Variants in MGAT4A observed in about 807,000 individuals in gnomAD.
MGAT4A encodes the protein alpha-1,3-mannosyl-glycoprotein 4-beta-N-acetylglucosaminyltransferase A, also known as N-acetylglucosaminyltransferase IVa.
MGAT4A carries 33 observed loss-of-function variants against 74.1 expected under a neutral mutation model. The ratio of observed to expected loss-of-function variants is 0.45; its 90% CI spans 0.34 to 0.60. The LOEUF (loss-of-function observed/expected upper bound fraction) is 0.60. Ranked by LOEUF, MGAT4A falls within the 20% of genes least tolerant of loss-of-function variation. The probability of loss-of-function intolerance (pLI) is 0.02; values close to 1 mark genes in which losing one functional copy is unlikely to be tolerated. For synonymous variants in MGAT4A, 198 were observed against 210.4 expected (o/e 0.94, Z 0.51); for missense variants, 479 against 628.3 (o/e 0.76, Z 2.54).
intron 2 of MGAT4A, among the ~76,000 whole-genome samples, chr2:98,713,354 T>C (rs991858117): frequency 6.6e-6 from 1 of 151,898 alleles, no homozygotes; most frequent in Admixed American, 6.6e-5. Flanking sequence ...CAGACTTTCA[T>C]GTTTACAACA....
At chr2:98,711,515 A>C (rs2104325620) in intron 2 of MGAT4A, among the ~76,000 whole-genome samples, 1 of 152,230 alleles carries the variant, frequency 6.6e-6, no homozygotes, top group African/African-American at 2.4e-5. Flanking sequence ...TTAATGAAAA[A>C]GCCCATAGTA....
At chr2:98,679,221 A>G (rs945078363) in intron 2 of MGAT4A, among the ~76,000 whole-genome samples, 2 of 152,078 alleles carry the variant, frequency 1.3e-5, no homozygotes, top group Non-Finnish European at 2.9e-5. Context: ...CCTGGCTAAC[A>G]CGGTGAAACC....
chr2:98,684,763 C>G (rs1702106218), intron 2 of MGAT4A, among the ~76,000 whole-genome samples: 1 of 152,110 alleles, frequency 6.6e-6, no homozygotes. Flanking sequence ...ATTTTTTAAA[C>G]AATAGTAACT....
chr2:98,675,935 A>G (rs939787117), intron 3 of MGAT4A, among the ~76,000 whole-genome samples: 1 of 152,228 alleles, frequency 6.6e-6, no homozygotes, highest in Non-Finnish European at 1.5e-5. Flanking sequence ...GTAAAATAAT[A>G]TAAACAGCAC....
At chr2:98,629,031 T>C (rs1453802084) in intron 14 of MGAT4A, among the ~76,000 whole-genome samples, 2 of 152,234 alleles carry the variant, frequency 1.3e-5, no homozygotes, top group East Asian at 3.8e-4. Context: ...TTTATATAAT[T>C]TTCACATAGC....
At chr2:98,717,450 C>T (rs1440359173) in intron 2 of MGAT4A, among the ~76,000 whole-genome samples, 6 of 151,594 alleles carry the variant, frequency 4.0e-5, no homozygotes, top group Admixed American at 3.9e-4. Flanking sequence ...ACTAAACGCA[C>T]CATGGGATCC....
At chr2:98,727,164 C>T (rs1046320960) in intron 1 of MGAT4A, among the ~76,000 whole-genome samples, 3 of 152,174 alleles carry the variant, frequency 2.0e-5, no homozygotes, top group African/African-American at 7.2e-5. Flanking sequence ...CTGTTTATCA[C>T]TGTCATAAAA....
chr2:98,712,665 G>A (rs776827604), intron 2 of MGAT4A, among the ~76,000 whole-genome samples: 5 of 152,242 alleles, frequency 3.3e-5, no homozygotes, highest in East Asian at 1.9e-4. Flanking sequence ...AACTGAAGAC[G>A]GATTCACACG....
intron 2 of MGAT4A, among the ~76,000 whole-genome samples, chr2:98,704,376 A>G (rs146411173): frequency 3.5e-4 from 54 of 152,314 alleles, no homozygotes; most frequent in African/African-American, 9.4e-4. Context: ...GCAAAACCCT[A>G]TATCTACAAA....
At chr2:98,659,869 G>A (rs12613547) in intron 5 of MGAT4A, among the ~76,000 whole-genome samples, 65,726 of 151,646 alleles carry the variant, frequency 0.43, 14,766 homozygotes, top group South Asian at 0.54. Context: ...TAAATACAGC[G>A]ATAACTTATA....
chr2:98,659,409 C>T (rs950023976), intron 5 of MGAT4A, among the ~76,000 whole-genome samples: 15 of 152,112 alleles, frequency 9.9e-5, no homozygotes, highest in Non-Finnish European at 1.8e-4. Flanking sequence ...CCCCAGGAAG[C>T]CCAAGGGACA....
chr2:98,696,136 G>T (rs1345988999), intron 2 of MGAT4A, among the ~76,000 whole-genome samples: 1 of 152,118 alleles, frequency 6.6e-6, no homozygotes. Context: ...GCACAACTCA[G>T]CCTACCAAAG....
Position 98,726,417 on chromosome 2 carries a change from G to T in MGAT4A, c.-85C>A. 1 of 1,095,544 alleles carries T rather than the reference G, an allele frequency of 9.1e-7. No individual in the cohort carries two copies. The highest frequency in any genetic ancestry group is 1.4e-6 in the Non-Finnish European group (1 of 740,566). The allele number at this position is 1,095,544 out of a possible 1,614,324, so 67.9% of individuals were successfully genotyped here. A position where few individuals can be genotyped will look rare whatever the true frequency, so the allele number is the denominator to read the frequency against. Reference sequence around the variant, plus strand: ...TTTTTACCCTGAAAGTCAACTGAATGCAGTACTCCTGGCTCTAGGCCAATA... The same window carrying T: ...TTTTTACCCTGAAAGTCAACTGAATTCAGTACTCCTGGCTCTAGGCCAATA... On this transcript the variant is annotated 5_prime_UTR_variant, in exon 2 of 16. Transcript: ENST00000393487.
intron 14 of MGAT4A, among the ~76,000 whole-genome samples, chr2:98,634,796 C>A (rs72825725): frequency 0.17 from 25,592 of 149,960 alleles, 2,387 homozygotes; most frequent in African/African-American, 0.23. Context: ...GTGTTACAGA[C>A]GCTTGTGGTA....
chr2:98,654,738 A>G (rs1375621537), intron 8 of MGAT4A, among the ~76,000 whole-genome samples: 4 of 152,170 alleles, frequency 2.6e-5, no homozygotes, highest in African/African-American at 9.7e-5. Flanking sequence ...CGATCTACAG[A>G]TTCAATACAA....
rs143827966 is a variant in MGAT4A, at chr2:98,692,310, C to T, written c.95-13839G>A. Among the ~76,000 whole-genome samples, 715 of 152,168 alleles carry T rather than the reference C, an allele frequency of 4.7e-3. 5 individuals carry two copies. The highest frequency in any genetic ancestry group is 0.016 in the African/African-American group (675 of 41,496). On this transcript the variant is annotated intron_variant, in intron 2 of 15. Coordinates refer to ENST00000393487, the MANE Select transcript of MGAT4A (RefSeq NM_012214.3). ...GTAGAGACAGGGTCTCACTATATTGCCCAGGCTGGTCTTGAACTCCTGGGC... is the reference window on the plus strand; with the variant it reads ...GTAGAGACAGGGTCTCACTATATTGTCCAGGCTGGTCTTGAACTCCTGGGC...
intron 14 of MGAT4A, 135 bp from the exon 15 acceptor site, chr2:98,625,970 T>TC (rs1053368496): frequency 1.8e-5 from 9 of 495,182 alleles, no homozygotes; most frequent in African/African-American, 1.2e-4. Context: ...GTAATTTCTT[T>TC]CCCCCTTCTT....
intron 6 of MGAT4A, 141 bp downstream of exon 6, chr2:98,658,077 A>C (rs1701684023): frequency 1.6e-6 from 1 of 606,170 alleles, no homozygotes; most frequent in Non-Finnish European, 2.9e-6. Context: ...GGACAATATC[A>C]AATACCAATC....
intron 2 of MGAT4A, among the ~76,000 whole-genome samples, chr2:98,688,567 T>C (rs1477509151): frequency 6.6e-6 from 1 of 152,208 alleles, no homozygotes; most frequent in East Asian, 1.9e-4. Context: ...TAGCTGACTT[T>C]GAAGAAGTAA....
Sources: gnomAD v4.1 joint callset for allele counts (sites outside exome capture counted in the v4.1 genomes callset) on GRCh38, gnomAD v4.1.1 for gene constraint, MANE v1.5 for transcripts, NCBI Gene and HGNC (gene_info 2026-07-23, HGNC 2026-07-21) for gene names.